Variants in FOXO3 observed in about 807,000 individuals in gnomAD.
The protein encoded by FOXO3 is forkhead box protein O3.
Under a neutral mutation model 41.9 loss-of-function variants are expected in FOXO3, and 4 were observed. That is an observed-to-expected ratio of 0.10 (90% CI 0.05 to 0.22). The LOEUF (loss-of-function observed/expected upper bound fraction) is 0.22, where lower values mean the gene tolerates loss of function less well. Among genes scored for constraint, FOXO3 ranks in the 10% least tolerant of loss-of-function variants. The pLI, the probability that FOXO3 is intolerant of heterozygous loss-of-function variation, is 1.00. For synonymous variants in FOXO3, 318 were observed against 389.3 expected, an observed-to-expected ratio of 0.82 and a Z score of 2.16; for missense variants, 534 against 906.8, an observed-to-expected ratio of 0.59 and a Z score of 5.28.
intron 1 of FOXO3, among the ~76,000 whole-genome samples, chr6:108,651,410 A>G (rs921782429): frequency 5.3e-5 from 8 of 152,120 alleles, no homozygotes; most frequent in East Asian, 1.9e-4. Flanking sequence ...ACTCCTTCCA[A>G]TCTTTCCAGG....
At chr6:108,661,544 A>G (rs115527325) in intron 1 of FOXO3, among the ~76,000 whole-genome samples, 1,557 of 152,126 alleles carry the variant, frequency 0.01, 20 homozygotes, top group African/African-American at 0.033. Flanking sequence ...AACTCTCTCC[A>G]CCATGGACTC....
At chr6:108,574,691 GC>G (rs1424510854) in intron 1 of FOXO3, among the ~76,000 whole-genome samples, 1 of 152,166 alleles carries the variant, frequency 6.6e-6, no homozygotes, top group Non-Finnish European at 1.5e-5. Flanking sequence ...CTACTGAAGA[GC>G]CTACTTGCTT....
At position 108,561,469 on chromosome 6, in the gene FOXO3, G is replaced by C. The variant is rs1283998936; in HGVS notation, c.261G>C (p.Thr87=). ...TCGGCGGCGGCGGCGGGAGCGGCACGCTGGGCTCCGGGCTGCTCCTTGAGG... is the reference window on the plus strand; with the variant it reads ...TCGGCGGCGGCGGCGGGAGCGGCACCCTGGGCTCCGGGCTGCTCCTTGAGG... ...MAIGGGGGSG[T]LGSGLLLEDS... Residue 87 remains threonine (T), a synonymous_variant, in exon 1 of 3, where the codon ACG becomes ACC. Transcript: ENST00000406360. 1.6e-5 allele frequency: 25 copies of C among 1,528,678 alleles called. No homozygotes were observed. The highest frequency in any genetic ancestry group is 1.9e-5 in the Non-Finnish European group (22 of 1,140,866). The allele number at this position is 1,528,678 out of a possible 1,614,324, so 94.7% of individuals were successfully genotyped here.
rs150164084 is a variant in FOXO3 at position 108,595,444 on chromosome 6, A to G, written c.621+33615A>G. Among the ~76,000 whole-genome samples, 49 of 152,358 alleles carry G rather than the reference A, an allele frequency of 3.2e-4. No homozygotes were observed. The East Asian group carries it at 9.3e-3, about 29-fold the overall frequency. Reference sequence around the variant, plus strand: ...TACTCATTGTTTTGTAAGAAATGCAACAAAGTTTTCATTTTTTAATAACTC... The same window carrying G: ...TACTCATTGTTTTGTAAGAAATGCAGCAAAGTTTTCATTTTTTAATAACTC... On this transcript the variant is annotated intron_variant, in intron 1 of 2. Coordinates refer to ENST00000406360, the MANE Select transcript of FOXO3 (RefSeq NM_001455.4).
At chr6:108,623,951 C>T (rs1309354353) in intron 1 of FOXO3, among the ~76,000 whole-genome samples, 3 of 152,064 alleles carry the variant, frequency 2.0e-5, no homozygotes, top group East Asian at 1.9e-4. Context: ...TATTTCTCAG[C>T]GAAAATAAGT....
chr6:108,586,931 C>T (rs557576071), intron 1 of FOXO3, among the ~76,000 whole-genome samples: 9 of 130,378 alleles, frequency 6.9e-5, no homozygotes, highest in East Asian at 2.2e-4. Context: ...TAAACCTGAA[C>T]GTAAATATTA....
At chr6:108,630,156 T>C (rs2128375629) in intron 1 of FOXO3, among the ~76,000 whole-genome samples, 1 of 152,176 alleles carries the variant, frequency 6.6e-6, no homozygotes, top group Admixed American at 6.6e-5. Context: ...AAGGGGAAGA[T>C]CTGGTGGATA....
chr6:108,665,077 G>A (rs1384170135), intron 2 of FOXO3, among the ~76,000 whole-genome samples, 188 bp downstream of exon 2: 3 of 152,180 alleles, frequency 2.0e-5, no homozygotes, highest in Non-Finnish European at 4.4e-5. Flanking sequence ...GGGCTGTCAG[G>A]TGCCCCCCTT....
At chr6:108,647,533 C>T (rs1050970554) in intron 1 of FOXO3, among the ~76,000 whole-genome samples, 8 of 152,190 alleles carry the variant, frequency 5.3e-5, no homozygotes, top group Non-Finnish European at 1.2e-4. Context: ...GGCCAAAACA[C>T]CACACAGTAT....
chr6:108,640,456 T>C (rs1160027857), intron 1 of FOXO3, among the ~76,000 whole-genome samples: 1 of 152,214 alleles, frequency 6.6e-6, no homozygotes, highest in Non-Finnish European at 1.5e-5. Flanking sequence ...AACTAAACTT[T>C]TACTAAGCAC....
intron 1 of FOXO3, among the ~76,000 whole-genome samples, chr6:108,640,626 T>C (rs1778231659): frequency 6.6e-6 from 1 of 152,226 alleles, no homozygotes. Flanking sequence ...ATAGCTTGTT[T>C]AGGACATTTA....
chr6:108,664,953 G>A, intron 2 of FOXO3, 64 bp downstream of exon 2: 5 of 1,464,894 alleles, frequency 3.4e-6, no homozygotes, highest in Non-Finnish European at 4.6e-6. Flanking sequence ...CTCTGGGGGA[G>A]CCTGTCTTCT....
At chr6:108,643,905 C>A (rs1778326963) in intron 1 of FOXO3, among the ~76,000 whole-genome samples, 1 of 152,144 alleles carries the variant, frequency 6.6e-6, no homozygotes, top group Non-Finnish European at 1.5e-5. Context: ...GGGAACTTAT[C>A]AAAATCTGTA....
chr6:108,572,643 G>A (rs1776135407), intron 1 of FOXO3, among the ~76,000 whole-genome samples: 1 of 152,066 alleles, frequency 6.6e-6, no homozygotes. Context: ...TTTTGGGGAG[G>A]GGTGTCAGGG....
intron 1 of FOXO3, among the ~76,000 whole-genome samples, chr6:108,593,500 C>T (rs1439682698): frequency 6.6e-6 from 1 of 151,706 alleles, no homozygotes; most frequent in Non-Finnish European, 1.5e-5. Flanking sequence ...GCTTCAGCCT[C>T]ATGAGTAGCT....
chr6:108,609,805 T>C (rs1777308373), intron 1 of FOXO3, among the ~76,000 whole-genome samples: 1 of 152,240 alleles, frequency 6.6e-6, no homozygotes, highest in South Asian at 2.1e-4. Flanking sequence ...GTTAGGACTT[T>C]ACACGTATGA....
rs115252770 is a variant in FOXO3, at chr6:108,623,309, T to C, written c.622-40146T>C. Among the ~76,000 whole-genome samples the C allele has an allele frequency of 2.3e-3, 356 of 152,304 alleles. 3 individuals carry two copies. Among genetic ancestry groups the C allele is most frequent in the African/African-American group, 8.1e-3 (336 of 41,564 alleles). ...GTCATTGGTGAGTGGATAGGAGTTA[T>C]AGGATCCTTTGTGGGTGAGTAGAAG... On this transcript the variant is annotated intron_variant, in intron 1 of 2. Transcript: ENST00000406360.
At chr6:108,580,083 T>C (rs983175342) in intron 1 of FOXO3, among the ~76,000 whole-genome samples, 2 of 152,148 alleles carry the variant, frequency 1.3e-5, no homozygotes, top group African/African-American at 4.8e-5. Context: ...CTTAGATTTA[T>C]CTATCATTTT....
intron 1 of FOXO3, among the ~76,000 whole-genome samples, chr6:108,656,156 G>A (rs548583285): frequency 2.9e-4 from 43 of 150,780 alleles, no homozygotes; most frequent in African/African-American, 8.5e-4. Flanking sequence ...AGAGAGAGGA[G>A]GGGGTTGTCT....
Sources: allele counts gnomAD v4.1 joint callset (sites outside exome capture counted in the v4.1 genomes callset), GRCh38; gene constraint gnomAD v4.1.1; transcripts MANE v1.5; gene names NCBI Gene and HGNC (gene_info 2026-07-23, HGNC 2026-07-21).